PDCD6IP: variants seen among roughly 807,000 people sequenced by gnomAD.
The protein encoded by PDCD6IP is programmed cell death 6 interacting protein.
Under a neutral mutation model 103.7 loss-of-function variants are expected in PDCD6IP, and 43 were observed. That is an observed-to-expected ratio of 0.41 (90% CI 0.32 to 0.53). PDCD6IP has a LOEUF of 0.53. Among genes scored for constraint, PDCD6IP ranks in the 20% least tolerant of loss-of-function variants. PDCD6IP has a pLI of 0.16. For synonymous variants in PDCD6IP, 354 were observed against 378.7 expected (o/e 0.93, Z 0.76); for missense variants, 871 against 1,036.7 (o/e 0.84, Z 2.20).
intron 12 of PDCD6IP, 51 bp from the exon 13 acceptor site, chr3:33,852,437 C>CTTTTTTTTTTTT (rs59048229): frequency 1.1e-6 from 1 of 950,582 alleles, no homozygotes; most frequent in African/African-American, 2.5e-5. Context: ...TCGAAATTGG[C>CTTTTTTTTTTTT]TTTTTTTTTT....
chr3:33,826,958 G>C (rs1697140944), intron 6 of PDCD6IP: 1 of 995,872 alleles, frequency 1.0e-6, no homozygotes, highest in Non-Finnish European at 1.2e-6. Flanking sequence ...TTATTGTCCT[G>C]TTTTCTTAAA....
chr3:33,859,862 G>A (rs886394115), intron 15 of PDCD6IP, among the ~76,000 whole-genome samples: 1 of 152,312 alleles, frequency 6.6e-6, no homozygotes, highest in South Asian at 2.1e-4. Flanking sequence ...TGCTAGAAAT[G>A]ACATATTTAT....
At chr3:33,861,227 C>T (rs1233571057) in intron 15 of PDCD6IP, among the ~76,000 whole-genome samples, 3 of 151,710 alleles carry the variant, frequency 2.0e-5, no homozygotes, top group Admixed American at 2.0e-4. Flanking sequence ...TCACTGCAAC[C>T]TCCGCCTCCT....
chr3:33,823,142 C>G (rs1218108175), intron 4 of PDCD6IP, among the ~76,000 whole-genome samples: 1 of 152,038 alleles, frequency 6.6e-6, no homozygotes, highest in Non-Finnish European at 1.5e-5. Context: ...TAATGTCATT[C>G]CGATTTTACA....
At chr3:33,831,774 A>G (rs1426131257) in intron 7 of PDCD6IP, among the ~76,000 whole-genome samples, 1 of 151,836 alleles carries the variant, frequency 6.6e-6, no homozygotes, top group Non-Finnish European at 1.5e-5. Context: ...GCACACACAC[A>G]CACACACATT....
intron 4 of PDCD6IP, among the ~76,000 whole-genome samples, chr3:33,823,956 A>G (rs1225274694): frequency 6.6e-6 from 1 of 152,186 alleles, no homozygotes; most frequent in African/African-American, 2.4e-5. Context: ...TCATGGAAAG[A>G]TAACTGGTGG....
chr3:33,845,036 A>ATT (rs1697561218), intron 11 of PDCD6IP, among the ~76,000 whole-genome samples: 1 of 147,180 alleles, frequency 6.8e-6, no homozygotes, highest in African/African-American at 2.5e-5. Flanking sequence ...TTTTCTAAAA[A>ATT]TCTTTTTTTT....
At chr3:33,838,762 G>A (rs901505963) in intron 9 of PDCD6IP, among the ~76,000 whole-genome samples, 9 of 151,498 alleles carry the variant, frequency 5.9e-5, no homozygotes, top group African/African-American at 2.2e-4. Flanking sequence ...ATATGTGTGT[G>A]TGTGTGTGTA....
intron 11 of PDCD6IP, among the ~76,000 whole-genome samples, chr3:33,844,935 G>T (rs1048731774): frequency 8.6e-5 from 13 of 151,682 alleles, no homozygotes. Context: ...TGATTATTAA[G>T]ATTTTGTGCT....
chr3:33,799,908 C>G (rs13320308), intron 1 of PDCD6IP, among the ~76,000 whole-genome samples: 4,197 of 151,730 alleles, frequency 0.028, 65 homozygotes, highest in African/African-American at 0.046. Flanking sequence ...ATCACGAGGT[C>G]AGGAGATCGA....
rs1330689978 is a variant in PDCD6IP, at chr3:33,840,659, GA to G, written c.1182-1237del. Among the ~76,000 whole-genome samples, 9 of 151,906 alleles carry G rather than the reference GA, an allele frequency of 5.9e-5. No individual in the cohort carries two copies. In the East Asian group the frequency reaches 1.8e-3, roughly 30 times the overall value. ...TTTTTGTCGTTACATAGTAGATAGGGATATGTACCTCCCTTCGCCATCATGT... is the reference window on the plus strand; with the variant it reads ...TTTTTGTCGTTACATAGTAGATAGGGTATGTACCTCCCTTCGCCATCATGT... On this transcript the variant is annotated intron_variant, in intron 9 of 17. Coordinates refer to ENST00000307296, the MANE Select transcript of PDCD6IP (RefSeq NM_013374.6).
chr3:33,806,765 T>C (rs904155552), intron 1 of PDCD6IP, among the ~76,000 whole-genome samples: 1 of 152,216 alleles, frequency 6.6e-6, no homozygotes, highest in African/African-American at 2.4e-5. Flanking sequence ...CTTTGATGCT[T>C]GTGATCTGGG....
At chr3:33,837,632 A>G (rs1292037516) in intron 8 of PDCD6IP, among the ~76,000 whole-genome samples, 1 of 149,734 alleles carries the variant, frequency 6.7e-6, no homozygotes, top group South Asian at 2.1e-4. Flanking sequence ...TCTGTTGCCC[A>G]GGCTGTGGTG....
rs1406355708 is a variant in PDCD6IP, at chr3:33,804,294, A to G, written c.209+5357A>G. ...AAGAGGAGGGGCCAGTCTCCTCCCT[A>G]TGGAATTTCCCAAGGCTCCACCTTA... On this transcript the variant is annotated intron_variant, in intron 1 of 17. Transcript: ENST00000307296. Among the ~76,000 whole-genome samples, 10 of 152,232 alleles carry G rather than the reference A, an allele frequency of 6.6e-5. No homozygotes were observed. The East Asian group carries it at 9.6e-4, about 15-fold the overall frequency.
At chr3:33,810,910 T>G (rs1696701983) in intron 1 of PDCD6IP, among the ~76,000 whole-genome samples, 1 of 151,866 alleles carries the variant, frequency 6.6e-6, no homozygotes, top group Non-Finnish European at 1.5e-5. Context: ...TTTTTTTTTT[T>G]TTTGAGACAG....
chr3:33,829,032 A>G, intron 7 of PDCD6IP, 63 bp downstream of exon 7: 1 of 1,370,694 alleles, frequency 7.3e-7, no homozygotes, highest in Non-Finnish European at 9.7e-7. Context: ...TTTCCTAGTG[A>G]GATTTCCAAG....
At chr3:33,831,815 T>G (rs991441257) in intron 7 of PDCD6IP, among the ~76,000 whole-genome samples, 8 of 151,910 alleles carry the variant, frequency 5.3e-5, no homozygotes, top group African/African-American at 1.9e-4. Context: ...CTTACTGAAG[T>G]GGTAGTATGC....
At chr3:33,857,731 T>C (rs1392172835) in intron 15 of PDCD6IP, among the ~76,000 whole-genome samples, 1 of 152,126 alleles carries the variant, frequency 6.6e-6, no homozygotes, top group African/African-American at 2.4e-5. Context: ...AGAAAATGAG[T>C]GTTCTGATAC....
intron 11 of PDCD6IP, among the ~76,000 whole-genome samples, chr3:33,845,053 G>A (rs1477232822): frequency 6.8e-6 from 1 of 148,104 alleles, no homozygotes; most frequent in Non-Finnish European, 1.5e-5. Context: ...TTTTTTTTAA[G>A]TCACATTGCT....
Sources: gnomAD v4.1 joint callset for allele counts (sites outside exome capture counted in the v4.1 genomes callset) on GRCh38, gnomAD v4.1.1 for gene constraint, MANE v1.5 for transcripts, NCBI Gene and HGNC (gene_info 2026-07-23, HGNC 2026-07-21) for gene names.